The following ZNF573 variants were observed in gnomAD, a reference collection of about 807,000 sequenced individuals.
ZNF573 encodes zinc finger protein 573.
In ZNF573, 41 loss-of-function variants were observed where a neutral mutation model predicts 57.4. The ratio of observed to expected loss-of-function variants is 0.71; its 90% CI spans 0.56 to 0.93. The LOEUF (loss-of-function observed/expected upper bound fraction) is 0.93. Among genes scored for constraint, ZNF573 ranks in the 40% least tolerant of loss-of-function variants. ZNF573 has a pLI of 0.00. For missense variants in ZNF573, 730 were observed against 794.8 expected (o/e 0.92, Z 0.98); for synonymous variants, 249 against 261.0 (o/e 0.95, Z 0.44).
At position 37,738,941 on chromosome 19, in the gene ZNF573, G is replaced by A; in HGVS notation, c.1549C>T (p.Gln517Ter). ...FSLHGYLNQH[Q>*]KIHTGMKPYE... Reference sequence around the variant, plus strand: ...GGTTTCATACCAGTATGAATTTTCTGATGTTGATTAAGATATCCATGCAAG... The same window carrying A: ...GGTTTCATACCAGTATGAATTTTCTAATGTTGATTAAGATATCCATGCAAG... The change falls in exon 5 of 5, where the codon CAG becomes TAG. Residue 517 changes from glutamine (Q) to a stop codon, truncating the protein, a stop_gained. Coordinates refer to ENST00000536220, the MANE Select transcript of ZNF573 (RefSeq NM_001172690.2). LOFTEE classifies it high-confidence loss of function. 2 of 1,610,660 alleles carry A rather than the reference G, an allele frequency of 1.2e-6. No homozygotes were observed. Among genetic ancestry groups the A allele is most frequent in the Non-Finnish European group, 1.7e-6 (2 of 1,177,092 alleles).
At chr19:37,775,793 G>A (rs1272048020) in intron 1 of ZNF573, among the ~76,000 whole-genome samples, 57 of 148,764 alleles carry the variant, frequency 3.8e-4, no homozygotes, top group African/African-American at 1.4e-3. Context: ...TACCAACATC[G>A]GCTAAGCTGA....
intron 4 of ZNF573, among the ~76,000 whole-genome samples, chr19:37,748,799 C>T (rs557188020): frequency 7.4e-4 from 113 of 151,938 alleles, no homozygotes; most frequent in African/African-American, 2.7e-3. Flanking sequence ...TGGTGGCGGG[C>T]GCCTGTAGTC....
intron 1 of ZNF573, among the ~76,000 whole-genome samples, chr19:37,779,111 C>G (rs2045739613): frequency 6.6e-6 from 1 of 152,030 alleles, no homozygotes; most frequent in Non-Finnish European, 1.5e-5. Context: ...CGGGAACCTA[C>G]AGCCAAGACT....
chr19:37,770,734 C>T (rs1238627737), intron 3 of ZNF573: 1 of 147,876 alleles, frequency 6.8e-6, no homozygotes, highest in Non-Finnish European at 1.5e-5. Context: ...GCACTCCAGC[C>T]TAAGCAACAG....
chr19:37,757,622 A>T (rs906459137), intron 4 of ZNF573, among the ~76,000 whole-genome samples: 2 of 152,190 alleles, frequency 1.3e-5, no homozygotes, highest in Non-Finnish European at 2.9e-5. Flanking sequence ...ACTACTGTGG[A>T]AGACAGTGTG....
intron 4 of ZNF573, among the ~76,000 whole-genome samples, chr19:37,742,528 C>T (rs1387607491): frequency 6.6e-6 from 1 of 152,148 alleles, no homozygotes; most frequent in African/African-American, 2.4e-5. Context: ...CACCACACAT[C>T]TACAACCATC....
intron 4 of ZNF573, among the ~76,000 whole-genome samples, chr19:37,750,361 G>A (rs975729263): frequency 6.6e-6 from 1 of 152,112 alleles, no homozygotes; most frequent in Non-Finnish European, 1.5e-5. Flanking sequence ...TGGGATTACA[G>A]GCATGAGCCA....
chr19:37,770,873 T>TA (rs1599707908), intron 3 of ZNF573, among the ~76,000 whole-genome samples: 6 of 129,762 alleles, frequency 4.6e-5, no homozygotes, highest in Admixed American at 8.0e-5. Context: ...TATATATATA[T>TA]TCCCCCTCCC....
intron 4 of ZNF573, among the ~76,000 whole-genome samples, chr19:37,763,298 C>A (rs2045570194): frequency 6.6e-6 from 1 of 151,544 alleles, no homozygotes; most frequent in Non-Finnish European, 1.5e-5. Flanking sequence ...GAGTAAATAT[C>A]AGGGCCAGTT....
At chr19:37,742,298 C>A (rs144715205) in intron 4 of ZNF573, among the ~76,000 whole-genome samples, 4,063 of 152,242 alleles carry the variant, frequency 0.027, 184 homozygotes, top group African/African-American at 0.092. Context: ...TTACCATTGA[C>A]ATTCTTCACA....
chr19:37,773,567 G>A (rs1035924977), intron 2 of ZNF573, 94 bp downstream of exon 2: 9 of 898,078 alleles, frequency 1.0e-5, no homozygotes, highest in Non-Finnish European at 1.5e-5. Flanking sequence ...GATAACTGAA[G>A]GAGGCCTTCT....
At chr19:37,762,067 C>T (rs2045558342) in intron 4 of ZNF573, among the ~76,000 whole-genome samples, 1 of 152,196 alleles carries the variant, frequency 6.6e-6, no homozygotes, top group Admixed American at 6.5e-5. Flanking sequence ...GTGGAACAAA[C>T]TATTATTGTC....
At chr19:37,745,241 A>AT (rs1555739885) in intron 4 of ZNF573, among the ~76,000 whole-genome samples, 1 of 151,726 alleles carries the variant, frequency 6.6e-6, no homozygotes, top group Non-Finnish European at 1.5e-5. Context: ...TGCTTGGCTA[A>AT]TTTTTTTGTA....
intron 4 of ZNF573, among the ~76,000 whole-genome samples, chr19:37,743,694 T>C (rs1397745285): frequency 6.6e-6 from 1 of 152,112 alleles, no homozygotes; most frequent in Non-Finnish European, 1.5e-5. Context: ...TGCATGTACG[T>C]TTACTGCAGC....
At chr19:37,740,675 C>T in intron 4 of ZNF573, 2 of 446,890 alleles carry the variant, frequency 4.5e-6, no homozygotes, top group Non-Finnish European at 4.5e-6. Context: ...CAGCTCTTTG[C>T]TTCCTATTCT....
intron 4 of ZNF573, among the ~76,000 whole-genome samples, chr19:37,759,658 G>A (rs2045532022): frequency 6.6e-6 from 1 of 152,088 alleles, no homozygotes; most frequent in African/African-American, 2.4e-5. Flanking sequence ...AACCCGGGAG[G>A]CGGAGCTTGC....
rs1296433134 is a variant in ZNF573 at position 37,739,886 on chromosome 19, C to A, written c.604G>T (p.Gly202Cys). Residue 202 changes from glycine (G) to cysteine (C), a missense_variant, in exon 5 of 5, where the codon GGT becomes TGT. Gly to Cys is a radical substitution (Grantham distance 159, BLOSUM62 -3). Coordinates refer to ENST00000536220, the MANE Select transcript of ZNF573 (RefSeq NM_001172690.2). ...CTECGKNFRS[G>C]YQLTVHQRFH... ...CTCTGATGCACAGTCAGCTGATAAC[C>A]ACTTCTAAAGTTCTTCCCACATTCT... is the stretch of plus-strand genomic sequence containing the variant. The A allele has an allele frequency of 6.2e-7, 1 of 1,613,940 alleles. No individual in the cohort carries two copies. Among genetic ancestry groups the A allele is most frequent in the East Asian group, 2.2e-5 (1 of 44,866 alleles).
At position 37,759,565 on chromosome 19, in the gene ZNF573, A is replaced by C. The variant is rs143121162; in HGVS notation, c.295+10440T>G. Among the ~76,000 whole-genome samples, 1,055 of 152,130 alleles carry C rather than the reference A, an allele frequency of 6.9e-3. 15 individuals carry two copies. Among genetic ancestry groups the C allele is most frequent in the African/African-American group, 0.024 (1,011 of 41,526 alleles). On this transcript the variant is annotated intron_variant, in intron 4 of 4. Coordinates refer to ENST00000536220, the MANE Select transcript of ZNF573 (RefSeq NM_001172690.2). ...ATACAGTGAAACCCTGTTTCTACTA[A>C]AAATACAAAAAAATTAGCCAGGCGT...
intron 4 of ZNF573, among the ~76,000 whole-genome samples, chr19:37,760,551 C>T (rs978726121): frequency 2.6e-5 from 4 of 152,090 alleles, no homozygotes; most frequent in Non-Finnish European, 4.4e-5. Context: ...GGGCCAGGTG[C>T]GGTGGCTCAA....
Sources: allele counts gnomAD v4.1 joint callset (sites outside exome capture counted in the v4.1 genomes callset), GRCh38; gene constraint gnomAD v4.1.1; transcripts MANE v1.5; gene names NCBI Gene and HGNC (gene_info 2026-07-23, HGNC 2026-07-21).